Variants in LOC128462377 observed in about 807,000 individuals in gnomAD.
At chr16:89,405,597 G>T in the LOC128462377 span, among the ~76,000 whole-genome samples, 2 of 150,604 alleles carry the variant, frequency 1.3e-5, no homozygotes, top group East Asian at 3.9e-4. Context: ...GCCTCCCAAA[G>T]TGCTGGGATT....
chr16:89,405,117 C>T, the LOC128462377 span, among the ~76,000 whole-genome samples: 1 of 152,086 alleles, frequency 6.6e-6, no homozygotes, highest in Non-Finnish European at 1.5e-5. Flanking sequence ...CCTGGTGTCA[C>T]GGTGGAGGCG....
the LOC128462377 span, chr16:89,373,555 T>C: frequency 1.3e-5 from 2 of 152,274 alleles, no homozygotes; most frequent in African/African-American, 4.8e-5. Context: ...ATATGGCTCA[T>C]AGCAGTACCA....
chr16:89,327,802 C>A, the LOC128462377 span, among the ~76,000 whole-genome samples: 1 of 152,178 alleles, frequency 6.6e-6, no homozygotes, highest in East Asian at 1.9e-4. Flanking sequence ...TAGGAAAAAA[C>A]AGGAGAAAAT....
At chr16:89,408,685 G>C in the LOC128462377 span, among the ~76,000 whole-genome samples, 1 of 151,968 alleles carries the variant, frequency 6.6e-6, no homozygotes, top group East Asian at 1.9e-4. Context: ...CTAGAGTCCA[G>C]CGCTAATACA....
the LOC128462377 span, among the ~76,000 whole-genome samples, chr16:89,363,839 T>A: frequency 6.6e-6 from 1 of 151,926 alleles, no homozygotes; most frequent in South Asian, 2.1e-4. Flanking sequence ...GAGGACTGAC[T>A]GAGGCAAAAA....
the LOC128462377 span, among the ~76,000 whole-genome samples, chr16:89,376,650 G>A: frequency 3.9e-5 from 6 of 152,284 alleles, no homozygotes; most frequent in Admixed American, 3.9e-4. Context: ...TGTTGGCCAG[G>A]CTGGTCTCAA....
chr16:89,321,453 G>C, the LOC128462377 span, among the ~76,000 whole-genome samples: 1 of 143,006 alleles, frequency 7.0e-6, no homozygotes, highest in African/African-American at 2.5e-5. Context: ...TGTGGGGCGG[G>C]AGCTGCGGGG....
chr16:89,418,143 C>T, the LOC128462377 span: 1 of 392,176 alleles, frequency 2.5e-6, no homozygotes, highest in Non-Finnish European at 5.3e-6. Context: ...AAGTGAAATC[C>T]AGAACAAAAT....
At chr16:89,345,037 G>T in the LOC128462377 span, among the ~76,000 whole-genome samples, 2 of 152,124 alleles carry the variant, frequency 1.3e-5, no homozygotes, top group African/African-American at 2.4e-5. Context: ...AAGGCCAAGC[G>T]GTGCTCCAGG....
chr16:89,322,565 A>G, the LOC128462377 span, among the ~76,000 whole-genome samples: 1 of 152,232 alleles, frequency 6.6e-6, no homozygotes, highest in African/African-American at 2.4e-5. Flanking sequence ...AAGCCCTTCA[A>G]GGGAAGCTCT....
the LOC128462377 span, among the ~76,000 whole-genome samples, chr16:89,398,949 C>A: frequency 6.6e-6 from 1 of 152,114 alleles, no homozygotes; most frequent in East Asian, 1.9e-4. Context: ...CTCAAAGACC[C>A]CAGACAGACT....
At chr16:89,317,571 A>C in the LOC128462377 span, among the ~76,000 whole-genome samples, 5 of 151,998 alleles carry the variant, frequency 3.3e-5, no homozygotes, top group Non-Finnish European at 7.4e-5. Context: ...TCCTGTCCCC[A>C]CCAGGCCTGT....
chr16:89,381,047 G>A, the LOC128462377 span, among the ~76,000 whole-genome samples: 2 of 152,216 alleles, frequency 1.3e-5, no homozygotes, highest in African/African-American at 4.8e-5. Flanking sequence ...GGGCGGCTGG[G>A]CGAGGTGGCT....
the LOC128462377 span, among the ~76,000 whole-genome samples, chr16:89,362,142 A>G: frequency 6.6e-5 from 10 of 152,402 alleles, no homozygotes; most frequent in East Asian, 1.9e-3. Context: ...ATGTGGCTTA[A>G]CAAATGTGAG....
the LOC128462377 span, among the ~76,000 whole-genome samples, chr16:89,326,778 G>A: frequency 0.01 from 1,578 of 152,176 alleles, 24 homozygotes; most frequent in African/African-American, 0.035. Context: ...AAACACAACC[G>A]GGGCATGAAA....
At chr16:89,386,743 G>C in the LOC128462377 span, among the ~76,000 whole-genome samples, 2 of 152,162 alleles carry the variant, frequency 1.3e-5, no homozygotes, top group Non-Finnish European at 2.9e-5. Context: ...TTGACTGTTG[G>C]ATTTCATCAA....
chr16:89,345,365 T>C, the LOC128462377 span, among the ~76,000 whole-genome samples: 1 of 144,674 alleles, frequency 6.9e-6, no homozygotes, highest in South Asian at 2.2e-4. Flanking sequence ...GTGCCCCATC[T>C]GGGGAGGCTC....
the LOC128462377 span, among the ~76,000 whole-genome samples, chr16:89,402,786 T>C: frequency 1.2e-5 from 1 of 80,212 alleles, no homozygotes; most frequent in African/African-American, 5.0e-5. Flanking sequence ...CTCTGTGGGA[T>C]GAGGTGAGGT....
the LOC128462377 span, among the ~76,000 whole-genome samples, chr16:89,320,757 G>A: frequency 8.5e-5 from 13 of 152,244 alleles, no homozygotes; most frequent in Admixed American, 8.5e-4. Flanking sequence ...TCAGCCCAGC[G>A]GAGTGGACAG....
Sources: gnomAD v4.1 joint callset for allele counts (sites outside exome capture counted in the v4.1 genomes callset) on GRCh38, gnomAD v4.1.1 for gene constraint, MANE v1.5 for transcripts.